The following GRIK2 variants were observed in gnomAD, a reference collection of about 807,000 sequenced individuals.
GRIK2 encodes the protein glutamate ionotropic receptor kainate type subunit 2, also known as glutamate receptor ionotropic, kainate 2.
In GRIK2, 32 loss-of-function variants were observed where a neutral mutation model predicts 100.3. The observed-to-expected ratio is 0.32, with a 90% CI of 0.24 to 0.43. The LOEUF is 0.43. GRIK2 is among the 20% of genes least tolerant of loss of function. The pLI, the probability that GRIK2 is intolerant of heterozygous loss-of-function variation, is 1.00. For missense variants in GRIK2, 843 were observed against 1,114.9 expected, an observed-to-expected ratio of 0.76 and a Z score of 3.47; for synonymous variants, 417 against 389.4, an observed-to-expected ratio of 1.07 and a Z score of -0.83.
chr6:101,674,530 A>G (rs1303632969), intron 4 of GRIK2, among the ~76,000 whole-genome samples: 2 of 152,232 alleles, frequency 1.3e-5, no homozygotes. Flanking sequence ...AGGACGTCAT[A>G]GCCGAACATT....
At chr6:102,012,393 A>G (rs1389162255) in intron 14 of GRIK2, among the ~76,000 whole-genome samples, 1 of 152,104 alleles carries the variant, frequency 6.6e-6, no homozygotes, top group Non-Finnish European at 1.5e-5. Flanking sequence ...TAATTTGCTA[A>G]GATTTTGGTT....
intron 2 of GRIK2, among the ~76,000 whole-genome samples, chr6:101,595,874 A>G (rs1582794367): frequency 6.6e-6 from 1 of 150,824 alleles, no homozygotes. Context: ...ACTTTCTTCT[A>G]TACCAGTGTT....
intron 10 of GRIK2, among the ~76,000 whole-genome samples, chr6:101,824,033 A>AT (rs1444733542): frequency 5.3e-5 from 8 of 151,660 alleles, no homozygotes; most frequent in African/African-American, 1.9e-4. Flanking sequence ...TGCCTGGCTA[A>AT]TTTTTTGTAT....
chr6:101,483,983 G>A (rs572166818), intron 2 of GRIK2, among the ~76,000 whole-genome samples: 2 of 152,290 alleles, frequency 1.3e-5, no homozygotes, highest in African/African-American at 4.8e-5. Context: ...AAAGATATTG[G>A]GCAGCCAGTT....
At chr6:101,450,625 C>T (rs1043746426) in intron 2 of GRIK2, among the ~76,000 whole-genome samples, 1 of 151,644 alleles carries the variant, frequency 6.6e-6, no homozygotes, top group African/African-American at 2.4e-5. Flanking sequence ...AGTAACTACT[C>T]GGTGTTTCCT....
chr6:101,764,849 C>T (rs1344265948), intron 7 of GRIK2, among the ~76,000 whole-genome samples: 5 of 152,024 alleles, frequency 3.3e-5, no homozygotes, highest in Admixed American at 1.3e-4. Flanking sequence ...TAATATCTTC[C>T]ACTCATCCTA....
rs554447331 is a variant in GRIK2, at chr6:101,536,320, A to G, written c.116-85629A>G. 3.9e-3 allele frequency among the ~76,000 whole-genome samples: 593 copies of G among 151,722 alleles called. 4 individuals carry two copies. Among genetic ancestry groups the G allele is most frequent in the Non-Finnish European group, 6.2e-3 (423 of 67,718 alleles). ...GAAAAAAAGTATGCAATTTTCAAGA[A>G]TGATTTAAGGCGTATCTCTTTTTTT... On this transcript the variant is annotated intron_variant, in intron 2 of 16. Transcript: ENST00000369134.
At chr6:101,778,357 T>A (rs1326463907) in intron 7 of GRIK2, among the ~76,000 whole-genome samples, 2 of 152,132 alleles carry the variant, frequency 1.3e-5, no homozygotes, top group Non-Finnish European at 2.9e-5. Flanking sequence ...GAGAGTAAAA[T>A]GTACACATTA....
chr6:102,037,431 A>G (rs1460603698), intron 15 of GRIK2, among the ~76,000 whole-genome samples: 3 of 151,348 alleles, frequency 2.0e-5, no homozygotes, highest in African/African-American at 7.3e-5. Flanking sequence ...CCAACAAAAG[A>G]TATTTTGGAG....
At position 101,955,616 on chromosome 6, in the gene GRIK2, C is replaced by CTCTCTCTCTCTCTCTCTCTCTCT. The variant is rs1554292263; in HGVS notation, c.2085+26984_2085+26985insTCTCTCTCTCTCTCTCTCTCTCT. On this transcript the variant is annotated intron_variant, in intron 14 of 16. Coordinates refer to ENST00000369134, the MANE Select transcript of GRIK2 (RefSeq NM_021956.5). ...TCTCTCTCTCTCTCTCTCTCTCTCTCCCCCCCATTTCTTTTACAGTCAGAT... is the reference window on the plus strand; with the variant it reads ...TCTCTCTCTCTCTCTCTCTCTCTCTCTCTCTCTCTCTCTCTCTCTCTCTCCCCCCATTTCTTTTACAGTCAGAT... Among the ~76,000 whole-genome samples, 32 of 135,586 alleles carry CTCTCTCTCTCTCTCTCTCTCTCT rather than the reference C, an allele frequency of 2.4e-4. 1 individual carries two copies. The highest frequency in any genetic ancestry group is 3.0e-4 in the Admixed American group (4 of 13,402). The allele number at this position is 135,586 out of a possible 152,430, so 88.9% of individuals were successfully genotyped here. A position where few individuals can be genotyped will look rare whatever the true frequency, so the allele number is the denominator to read the frequency against.
At position 101,399,300 on chromosome 6, in the gene GRIK2, TA is replaced by T; in HGVS notation, c.25del (p.Ser9ValfsTer28). 1 of 1,572,910 alleles carries T rather than the reference TA, an allele frequency of 6.4e-7. No homozygotes were observed. The highest frequency in any genetic ancestry group is 1.3e-5 in the African/African-American group (1 of 74,230). On this transcript the variant is annotated frameshift_variant, in exon 2 of 17. Coordinates refer to ENST00000369134, the MANE Select transcript of GRIK2 (RefSeq NM_021956.5). LOFTEE classifies it high-confidence loss of function. Reference protein sequence around the residue: MKIIFPILSNPVFRRTVK... With the variant: MKIIFPIXSNPVFRRTVK... ...ACCATGAAGATTATTTTCCCGATTC[TA>T]AGTAATCCAGTCTTCAGGCGCACCG...
intron 2 of GRIK2, among the ~76,000 whole-genome samples, chr6:101,483,199 G>A (rs940164926): frequency 6.6e-6 from 1 of 152,052 alleles, no homozygotes; most frequent in African/African-American, 2.4e-5. Context: ...CCAATACAGA[G>A]CTTATAGTGG....
At chr6:101,970,724 TGCA>T (rs1792996072) in intron 14 of GRIK2, among the ~76,000 whole-genome samples, 1 of 144,372 alleles carries the variant, frequency 6.9e-6, no homozygotes, top group African/African-American at 2.9e-5. Flanking sequence ...ACATTCTTTC[TGCA>T]AATACATCCT....
At chr6:101,944,635 T>A (rs1246338584) in intron 14 of GRIK2, among the ~76,000 whole-genome samples, 1 of 152,200 alleles carries the variant, frequency 6.6e-6, no homozygotes, top group African/African-American at 2.4e-5. Flanking sequence ...GTTTTATGTT[T>A]TTTGTGCTAA....
chr6:101,604,203 T>C (rs1304143956), intron 2 of GRIK2, among the ~76,000 whole-genome samples: 1 of 151,690 alleles, frequency 6.6e-6, no homozygotes, highest in African/African-American at 2.4e-5. Context: ...TTGTTTCTCA[T>C]TAAAACATTA....
intron 7 of GRIK2, among the ~76,000 whole-genome samples, chr6:101,787,408 C>A (rs1475100762): frequency 6.6e-6 from 1 of 151,746 alleles, no homozygotes; most frequent in Non-Finnish European, 1.5e-5. Flanking sequence ...TATTTAAAAT[C>A]TTTATATTTT....
intron 2 of GRIK2, among the ~76,000 whole-genome samples, chr6:101,421,093 T>C (rs1167977172): frequency 6.6e-6 from 1 of 152,142 alleles, no homozygotes; most frequent in East Asian, 1.9e-4. Context: ...TTTGAGGCCA[T>C]GTTTGGATGG....
intron 11 of GRIK2, among the ~76,000 whole-genome samples, chr6:101,869,206 G>A (rs1171688731): frequency 6.6e-6 from 1 of 151,814 alleles, no homozygotes; most frequent in Admixed American, 6.6e-5. Flanking sequence ...TAAATATTTT[G>A]AAAGCCAATT....
chr6:101,718,713 A>G (rs1361823164), intron 7 of GRIK2, among the ~76,000 whole-genome samples: 8 of 151,808 alleles, frequency 5.3e-5, no homozygotes, highest in Non-Finnish European at 1.0e-4. Context: ...CAAACAGTTC[A>G]CCACCTTTAT....
Sources: allele counts gnomAD v4.1 joint callset (sites outside exome capture counted in the v4.1 genomes callset), GRCh38; gene constraint gnomAD v4.1.1; transcripts MANE v1.5; gene names NCBI Gene and HGNC (gene_info 2026-07-23, HGNC 2026-07-21).